KIAA1217: variants seen among roughly 807,000 people sequenced by gnomAD.
KIAA1217 encodes the protein KIAA1217.
Under a neutral mutation model 163.9 loss-of-function variants are expected in KIAA1217, and 88 were observed. The observed-to-expected ratio is 0.54, with a 90% CI of 0.45 to 0.64. The LOEUF (loss-of-function observed/expected upper bound fraction) is 0.64. Ranked by LOEUF, KIAA1217 falls within the 30% of genes least tolerant of loss-of-function variation. The probability of loss-of-function intolerance (pLI) is 0.00; values close to 1 mark genes in which losing one functional copy is unlikely to be tolerated. For synonymous variants in KIAA1217, 903 were observed against 923.1 expected (o/e 0.98, Z 0.39); for missense variants, 2,372 against 2,475.0 (o/e 0.96, Z 0.88).
intron 2 of KIAA1217, among the ~76,000 whole-genome samples, chr10:24,084,037 C>T (rs774465682): frequency 6.6e-6 from 1 of 152,192 alleles, no homozygotes; most frequent in Non-Finnish European, 1.5e-5. Flanking sequence ...CTTGCTCTCC[C>T]TCTGGTCTGG....
intron 1 of KIAA1217, among the ~76,000 whole-genome samples, chr10:23,698,156 G>T (rs990241817): frequency 3.9e-5 from 6 of 152,086 alleles, no homozygotes; most frequent in African/African-American, 1.4e-4. Context: ...GCTTTGTTTG[G>T]GGCTTTGTAT....
At chr10:24,305,358 A>T (rs761059676) in intron 2 of KIAA1217, among the ~76,000 whole-genome samples, 3 of 152,198 alleles carry the variant, frequency 2.0e-5, no homozygotes, top group Non-Finnish European at 4.4e-5. Context: ...ATGAATCTCA[A>T]GCTTCTTTTT....
In KIAA1217 at chr10:23,818,016, T is replaced by C. The variant is rs1338322744; in HGVS notation, c.-321+122782T>C. ...ATATATATATATATATATACACACATATATATACACACATATATATACATA... is the reference window on the plus strand; with the variant it reads ...ATATATATATATATATATACACACACATATATACACACATATATATACATA... On this transcript the variant is annotated intron_variant, in intron 1 of 18. Transcript: ENST00000376462. Among the ~76,000 whole-genome samples the C allele has an allele frequency of 1.4e-3, 174 of 128,174 alleles. 2 individuals are homozygous for C. Among genetic ancestry groups the C allele is most frequent in the East Asian group, 3.4e-3 (15 of 4,428 alleles). 84.1% of individuals were successfully genotyped at this position (128,174 alleles called of 152,430 possible). A position where few individuals can be genotyped will look rare whatever the true frequency, so the allele number is the denominator to read the frequency against.
intron 2 of KIAA1217, among the ~76,000 whole-genome samples, chr10:24,086,310 C>G (rs2061696653): frequency 6.6e-6 from 1 of 152,350 alleles, no homozygotes; most frequent in African/African-American, 2.4e-5. Flanking sequence ...GACAATATTT[C>G]AAACTGGAGT....
Position 24,309,482 on chromosome 10 carries a change from C to A in KIAA1217, c.355-71387C>A, listed in dbSNP as rs7906016. ...CTGTAAAGACCTGCAATGAAGTGAA[C>A]CCCTTTAACCTTTCTTTTACTCAGT... On this transcript the variant is annotated intron_variant, in intron 2 of 20. Transcript: ENST00000376454. Among the ~76,000 whole-genome samples, 728 of 152,184 alleles carry A rather than the reference C, an allele frequency of 4.8e-3. 4 individuals carry two copies. The highest frequency in any genetic ancestry group is 0.016 in the African/African-American group (678 of 41,518).
rs143854294 is a variant in KIAA1217 at position 24,047,956 on chromosome 10, T to C, written c.-171+40582T>C. On this transcript the variant is annotated intron_variant, in intron 2 of 18. Coordinates refer to the KIAA1217 transcript ENST00000376462. ...CTAATAATAAGGAGCAAGCTGATAA[T>C]ACCAGTCAATGGGTATCATCCATTG... 2.8e-3 allele frequency among the ~76,000 whole-genome samples: 426 copies of C among 152,314 alleles called. 2 individuals carry two copies. Among genetic ancestry groups the C allele is most frequent in the African/African-American group, 9.1e-3 (377 of 41,576 alleles).
intron 2 of KIAA1217, among the ~76,000 whole-genome samples, chr10:24,311,649 TC>T (rs1483468817): frequency 1.3e-5 from 2 of 152,178 alleles, no homozygotes; most frequent in South Asian, 4.1e-4. Flanking sequence ...TGAGGACTGC[TC>T]CCATGCTGGG....
intron 1 of KIAA1217, among the ~76,000 whole-genome samples, chr10:23,849,710 A>G (rs1249693249): frequency 6.6e-6 from 1 of 152,138 alleles, no homozygotes; most frequent in African/African-American, 2.4e-5. Flanking sequence ...ACTTAAAAAA[A>G]AGAGTTGCTC....
rs1278546960 is a variant in KIAA1217 at position 23,835,717 on chromosome 10, C to CATATTCTA, written c.-321+140483_-321+140484insATATTCTA. ...TGTTCCTTTTATCTTCTAGCCTCACCTGGGTCACCATTAAGAATATGATTT... is the reference window on the plus strand; with the variant it reads ...TGTTCCTTTTATCTTCTAGCCTCACCATATTCTATGGGTCACCATTAAGAATATGATTT... On this transcript the variant is annotated intron_variant, in intron 1 of 18. Coordinates refer to the KIAA1217 transcript ENST00000376462. Among the ~76,000 whole-genome samples the CATATTCTA allele has an allele frequency of 2.6e-5, 4 of 152,228 alleles. No homozygotes were observed. In the East Asian group the frequency reaches 7.7e-4, roughly 29 times the overall value.
At chr10:23,919,371 CG>C (rs1842759274) in intron 1 of KIAA1217, among the ~76,000 whole-genome samples, 2 of 151,746 alleles carry the variant, frequency 1.3e-5, no homozygotes, top group African/African-American at 2.4e-5. Context: ...TTTGGGAGGC[CG>C]AGGCAGGTGG....
At chr10:23,973,890 C>T (rs766556274) in intron 1 of KIAA1217, among the ~76,000 whole-genome samples, 5 of 152,052 alleles carry the variant, frequency 3.3e-5, no homozygotes, top group South Asian at 2.1e-4. Context: ...AGACACCTTC[C>T]GACCAGTCCT....
At chr10:24,083,142 T>C (rs760471317) in intron 2 of KIAA1217, among the ~76,000 whole-genome samples, 61 of 152,192 alleles carry the variant, frequency 4.0e-4, no homozygotes, top group Non-Finnish European at 7.2e-4. Context: ...TCATCTTATA[T>C]GAAATTGAGG....
chr10:24,091,985 A>G (rs2061954893), intron 2 of KIAA1217, among the ~76,000 whole-genome samples: 1 of 151,752 alleles, frequency 6.6e-6, no homozygotes, highest in African/African-American at 2.4e-5. Context: ...ATGCCCTCTC[A>G]TTAACATGGA....
intron 3 of KIAA1217, among the ~76,000 whole-genome samples, chr10:24,405,315 T>G (rs2057089177): frequency 6.6e-6 from 1 of 152,244 alleles, no homozygotes; most frequent in South Asian, 2.1e-4. Context: ...AAAATAAAAA[T>G]ACATATACTT....
rs78585613 is a variant in KIAA1217, at chr10:24,100,319, T to G, written c.-171+92945T>G. 5.6e-4 allele frequency among the ~76,000 whole-genome samples: 86 copies of G among 152,296 alleles called. 1 individual carries two copies. In the East Asian group the frequency reaches 9.6e-3, roughly 17 times the overall value. The stretch of plus-strand genomic sequence containing the variant: ...AGGTTTCTGTGCAGACAGCGACCCA[T>G]TGGGTGTATGCAGCTGCCAGAGAGG... On this transcript the variant is annotated intron_variant, in intron 2 of 18. Transcript: ENST00000376462.
intron 2 of KIAA1217, among the ~76,000 whole-genome samples, chr10:24,229,674 T>C (rs1484905257): frequency 2.0e-5 from 3 of 152,050 alleles, no homozygotes; most frequent in African/African-American, 7.2e-5. Flanking sequence ...CCCACCACCA[T>C]GCCTGGCTAA....
At position 23,838,613 on chromosome 10, in the gene KIAA1217, T is replaced by A. The variant is rs146750561; in HGVS notation, c.-321+143379T>A. ...GTAGCTGGAATTACAGGTGCCCACCTCCATGCCTGGCTAATTTTTGCATTT... is the reference window on the plus strand; with the variant it reads ...GTAGCTGGAATTACAGGTGCCCACCACCATGCCTGGCTAATTTTTGCATTT... On this transcript the variant is annotated intron_variant, in intron 1 of 18. Transcript: ENST00000376462. 4.8e-3 allele frequency among the ~76,000 whole-genome samples: 731 copies of A among 152,088 alleles called. 10 individuals carry two copies. The highest frequency in any genetic ancestry group is 0.016 in the African/African-American group (661 of 41,508).
At chr10:24,049,981 CT>C (rs1366490798) in intron 2 of KIAA1217, among the ~76,000 whole-genome samples, 8 of 152,152 alleles carry the variant, frequency 5.3e-5, no homozygotes, top group Non-Finnish European at 1.2e-4. Context: ...TGTTTCCTGA[CT>C]TTTTAATAAT....
At chr10:24,156,942 C>T (rs76425236) in intron 2 of KIAA1217, among the ~76,000 whole-genome samples, 6,066 of 152,248 alleles carry the variant, frequency 0.04, 177 homozygotes, top group African/African-American at 0.092. Context: ...TCACAACAGT[C>T]ATTTCTGTGT....
Sources: gnomAD v4.1 joint callset for allele counts (sites outside exome capture counted in the v4.1 genomes callset) on GRCh38, gnomAD v4.1.1 for gene constraint, MANE v1.5 for transcripts, NCBI Gene and HGNC (gene_info 2026-07-23, HGNC 2026-07-21) for gene names.